Variants in HCN1 observed in about 807,000 individuals in gnomAD.
HCN1 encodes the protein hyperpolarization activated cyclic nucleotide gated potassium channel 1, also known as potassium/sodium hyperpolarization-activated cyclic nucleotide-gated channel 1.
Under a neutral mutation model 78.9 loss-of-function variants are expected in HCN1, and 13 were observed. The observed-to-expected ratio is 0.16, with a 90% CI of 0.11 to 0.26. The LOEUF (loss-of-function observed/expected upper bound fraction) is 0.26. Ranked by LOEUF, HCN1 falls within the 10% of genes least tolerant of loss-of-function variation. The pLI is 1.00. For synonymous variants in HCN1, 552 were observed against 455.5 expected (o/e 1.21, Z -2.70); for missense variants, 810 against 1,154.3 (o/e 0.70, Z 4.32).
chr5:45,354,030 G>A (rs374070375), intron 4 of HCN1, among the ~76,000 whole-genome samples: 14 of 151,336 alleles, frequency 9.3e-5, no homozygotes, highest in South Asian at 2.1e-4. Flanking sequence ...ACACACATGC[G>A]CGTGCACACA....
intron 2 of HCN1, among the ~76,000 whole-genome samples, chr5:45,542,547 C>A (rs1470853416): frequency 1.3e-5 from 2 of 152,022 alleles, no homozygotes; most frequent in Non-Finnish European, 2.9e-5. Context: ...GCTGTGCTTT[C>A]TAAGGTGTTA....
chr5:45,308,720 T>A (rs887571556), intron 5 of HCN1, among the ~76,000 whole-genome samples: 7 of 152,160 alleles, frequency 4.6e-5, no homozygotes, highest in Admixed American at 3.3e-4. Flanking sequence ...GTTCCATTGT[T>A]CTATGAGTCT....
At chr5:45,620,301 A>G (rs189819648) in intron 2 of HCN1, among the ~76,000 whole-genome samples, 1 of 152,168 alleles carries the variant, frequency 6.6e-6, no homozygotes, top group Admixed American at 6.5e-5. Context: ...TAAACTCTGT[A>G]GTGTAGCTAG....
chr5:45,284,710 T>C (rs950570928), intron 6 of HCN1, among the ~76,000 whole-genome samples: 1 of 152,102 alleles, frequency 6.6e-6, no homozygotes, highest in Non-Finnish European at 1.5e-5. Context: ...GCATATTTAA[T>C]TGTTGTGTAA....
At chr5:45,344,544 G>A (rs114213552) in intron 5 of HCN1, among the ~76,000 whole-genome samples, 151 of 152,304 alleles carry the variant, frequency 9.9e-4, no homozygotes, top group Admixed American at 1.6e-3. Flanking sequence ...GATACAATGA[G>A]GGTATAGGCA....
intron 2 of HCN1, among the ~76,000 whole-genome samples, chr5:45,579,319 A>AT (rs1744010535): frequency 6.6e-6 from 1 of 151,942 alleles, no homozygotes; most frequent in African/African-American, 2.4e-5. Flanking sequence ...ACAAAGTCTT[A>AT]TTTTTCCTAC....
At chr5:45,415,707 C>A (rs1345062765) in intron 3 of HCN1, among the ~76,000 whole-genome samples, 2 of 152,008 alleles carry the variant, frequency 1.3e-5, no homozygotes, top group Non-Finnish European at 2.9e-5. Context: ...AGCTTCTTGT[C>A]TAAATGGCCA....
At chr5:45,408,330 C>G (rs1739965000) in intron 3 of HCN1, among the ~76,000 whole-genome samples, 1 of 152,108 alleles carries the variant, frequency 6.6e-6, no homozygotes, top group Non-Finnish European at 1.5e-5. Context: ...TCACGATGTA[C>G]CATCTTTTAT....
chr5:45,501,558 C>A lies in HCN1; in HGVS notation c.850-39551G>T, dbSNP rs189418061. ...CAAGCTATTCTCCTACCTCAGCCCC[C>A]TGAGTCTGAGTAGCTGGGACTACAG... On this transcript the variant is annotated intron_variant, in intron 2 of 7. Coordinates refer to ENST00000303230, the MANE Select transcript of HCN1 (RefSeq NM_021072.4). Among the ~76,000 whole-genome samples, 102 of 152,172 alleles carry A rather than the reference C, an allele frequency of 6.7e-4. 1 individual carries two copies. The East Asian group carries it at 0.019, about 28-fold the overall frequency.
At chr5:45,552,643 C>G (rs1042982722) in intron 2 of HCN1, among the ~76,000 whole-genome samples, 4 of 151,842 alleles carry the variant, frequency 2.6e-5, no homozygotes, top group African/African-American at 9.7e-5. Flanking sequence ...AAAGAGTTAA[C>G]AGCTTCAGTA....
intron 2 of HCN1, among the ~76,000 whole-genome samples, chr5:45,585,067 T>G (rs547375914): frequency 6.6e-6 from 1 of 152,332 alleles, no homozygotes; most frequent in African/African-American, 2.4e-5. Context: ...TGAATTTGAA[T>G]GTTGGCCTGC....
chr5:45,587,796 ACAT>A (rs1744265255), intron 2 of HCN1, among the ~76,000 whole-genome samples: 1 of 152,192 alleles, frequency 6.6e-6, no homozygotes, highest in South Asian at 2.1e-4. Context: ...TAAATTTCAT[ACAT>A]TGAAATTTAA....
At chr5:45,581,618 T>C (rs1283551324) in intron 2 of HCN1, among the ~76,000 whole-genome samples, 1 of 152,196 alleles carries the variant, frequency 6.6e-6, no homozygotes, top group African/African-American at 2.4e-5. Flanking sequence ...TGAATGGTAT[T>C]GCCTAGGTTT....
chr5:45,585,798 C>A (rs1279039334), intron 2 of HCN1, among the ~76,000 whole-genome samples: 1 of 152,222 alleles, frequency 6.6e-6, no homozygotes, highest in Admixed American at 6.5e-5. Context: ...CACTCCAGAC[C>A]CTGTTTGCCT....
chr5:45,421,329 T>G (rs1299128484), intron 3 of HCN1, among the ~76,000 whole-genome samples: 1 of 152,218 alleles, frequency 6.6e-6, no homozygotes, highest in East Asian at 1.9e-4. Context: ...CCCAAAGTGC[T>G]GGGATTACAG....
intron 2 of HCN1, among the ~76,000 whole-genome samples, chr5:45,527,889 G>A (rs1002026066): frequency 6.6e-6 from 1 of 151,140 alleles, no homozygotes; most frequent in African/African-American, 2.4e-5. Context: ...AGTAATGATG[G>A]AGATGGGATC....
rs1740014828 is a variant in HCN1 at position 45,696,358 on chromosome 5, C to G, written c.-265G>C. On this transcript the variant is annotated 5_prime_UTR_variant, in exon 1 of 8. Transcript: ENST00000303230. Reference sequence around the variant, plus strand: ...GGTGCTGAAGCTGAGGCTGCCGGAGCTAGGCGAGGCTCAGCTCGGCTCAGC... The same window carrying G: ...GGTGCTGAAGCTGAGGCTGCCGGAGGTAGGCGAGGCTCAGCTCGGCTCAGC... 6.5e-6 allele frequency: 1 copy of G among 154,646 alleles called. No homozygotes were observed. The highest frequency in any genetic ancestry group is 2.1e-4 in the South Asian group (1 of 4,860). 9.6% of individuals were successfully genotyped at this position (154,646 alleles called of 1,614,324 possible).
intron 2 of HCN1, among the ~76,000 whole-genome samples, chr5:45,626,945 C>T (rs1028874535): frequency 2.6e-4 from 39 of 151,290 alleles, no homozygotes; most frequent in African/African-American, 9.2e-4. Context: ...TATATACACG[C>T]CATATATATA....
rs994539915 is a variant in HCN1 at position 45,328,710 on chromosome 5, C to G, written c.1377+24390G>C. 3.3e-5 allele frequency among the ~76,000 whole-genome samples: 5 copies of G among 151,500 alleles called. No homozygotes were observed. In the Admixed American group the frequency reaches 3.3e-4, roughly 10 times the overall value. ...ATGAGTTGTGTATTTCTGGATTTTT[C>G]CATTTAATATTTTCAGACCAGAGTT... is the stretch of plus-strand genomic sequence containing the variant. On this transcript the variant is annotated intron_variant, in intron 5 of 7. Transcript: ENST00000303230.
Sources: gnomAD v4.1 joint callset for allele counts (sites outside exome capture counted in the v4.1 genomes callset) on GRCh38, gnomAD v4.1.1 for gene constraint, MANE v1.5 for transcripts, NCBI Gene and HGNC (gene_info 2026-07-23, HGNC 2026-07-21) for gene names.